SDHA: variants seen among roughly 807,000 people sequenced by gnomAD.
SDHA encodes succinate dehydrogenase complex flavoprotein subunit A, also known as succinate dehydrogenase [ubiquinone] flavoprotein subunit, mitochondrial.
In SDHA, 48 loss-of-function variants were observed where a neutral mutation model predicts 78.4. The ratio of observed to expected loss-of-function variants is 0.61; its 90% CI spans 0.49 to 0.78. The LOEUF is 0.78. Ranked by LOEUF, SDHA falls within the 30% of genes least tolerant of loss-of-function variation. SDHA has a pLI of 0.00. For synonymous variants in SDHA, 326 were observed against 353.9 expected (o/e 0.92, Z 0.88); for missense variants, 680 against 892.7 (o/e 0.76, Z 3.04).
intron 11 of SDHA, among the ~76,000 whole-genome samples, chr5:244,871 C>G (rs1373883999): frequency 2.6e-5 from 4 of 152,124 alleles, no homozygotes; most frequent in African/African-American, 9.7e-5. Flanking sequence ...TTATATAGCC[C>G]TCAAAGTCAA....
chr5:244,890 T>C (rs186627657), intron 11 of SDHA, among the ~76,000 whole-genome samples: 1 of 152,158 alleles, frequency 6.6e-6, no homozygotes, highest in African/African-American at 2.4e-5. Context: ...AACATATGCA[T>C]GAAATGGGGT....
At chr5:242,280 C>T (rs13356367) in intron 11 of SDHA, among the ~76,000 whole-genome samples, 36,695 of 152,160 alleles carry the variant, frequency 0.24, 6,875 homozygotes, top group African/African-American at 0.53. Context: ...ATGGCCATGA[C>T]GCCCACGCTA....
Position 251,366 on chromosome 5 carries a change from G to A in SDHA, c.1692G>A (p.Glu564=), listed in dbSNP as rs368388954. The change falls in exon 13 of 15, where the codon GAG becomes GAA. Residue 564 remains glutamate, a synonymous_variant. Transcript: ENST00000264932. ...RGMVWNTDLV[E]TLELQNLMLC... ...TGGTCTGGAACACGGACCTGGTGGA[G>A]ACCCTGGAGCTGCAGAACCTGATGC... is the stretch of plus-strand genomic sequence containing the variant. The A allele has an allele frequency of 3.1e-6, 5 of 1,613,722 alleles. No individual in the cohort carries two copies. The highest frequency in any genetic ancestry group is 3.4e-6 in the Non-Finnish European group (4 of 1,179,792).
At chr5:253,693 C>T (rs1736996196) in intron 13 of SDHA, among the ~76,000 whole-genome samples, 1 of 152,170 alleles carries the variant, frequency 6.6e-6, no homozygotes, top group Non-Finnish European at 1.5e-5. Context: ...CCTCGGCCTC[C>T]CAAAGTGCTA....
At chr5:255,366 A>G (rs60440876) in intron 14 of SDHA, among the ~76,000 whole-genome samples, 14,465 of 151,728 alleles carry the variant, frequency 0.095, 2,244 homozygotes, top group African/African-American at 0.33. Flanking sequence ...AGGACTTCTC[A>G]TGAAGGCCAT....
chr5:228,457 C>T, intron 6 of SDHA, 124 bp downstream of exon 6: 1 of 1,087,748 alleles, frequency 9.2e-7, no homozygotes, highest in Non-Finnish European at 1.3e-6. Flanking sequence ...CTTGATATAA[C>T]CATGTGAGGG....
intron 3 of SDHA, among the ~76,000 whole-genome samples, chr5:225,136 C>A (rs1374251843): frequency 6.6e-6 from 1 of 152,184 alleles, no homozygotes; most frequent in African/African-American, 2.4e-5. Flanking sequence ...TTACAGGTAG[C>A]CTTTCACTCA....
At chr5:262,646 C>G in the SDHA span, among the ~76,000 whole-genome samples, 3 of 152,224 alleles carry the variant, frequency 2.0e-5, no homozygotes, top group Non-Finnish European at 4.4e-5. Flanking sequence ...GTCCCTGGTG[C>G]CAACAAGGTT....
At chr5:247,704 G>A (rs1736547516) in intron 11 of SDHA, among the ~76,000 whole-genome samples, 1 of 152,198 alleles carries the variant, frequency 6.6e-6, no homozygotes, top group South Asian at 2.1e-4. Context: ...ACTTTGGGCT[G>A]CATGCCAATC....
intron 11 of SDHA, among the ~76,000 whole-genome samples, chr5:245,174 C>A (rs534360061): frequency 5.9e-5 from 9 of 152,238 alleles, no homozygotes; most frequent in Non-Finnish European, 1.2e-4. Flanking sequence ...CCTTGTAATT[C>A]TTTGGTTTTC....
chr5:245,778 C>T (rs1736404461), intron 11 of SDHA, among the ~76,000 whole-genome samples: 1 of 152,234 alleles, frequency 6.6e-6, no homozygotes, highest in Non-Finnish European at 1.5e-5. Flanking sequence ...TCAAAAATTA[C>T]TGGGGACATT....
At chr5:228,471 T>C (rs1735189668) in intron 6 of SDHA, 138 bp downstream of exon 6, 2 of 983,360 alleles carry the variant, frequency 2.0e-6, no homozygotes, top group Non-Finnish European at 3.1e-6. Flanking sequence ...GTGAGGGTGA[T>C]GGCCTTTCCC....
chr5:236,237 C>G, intron 9 of SDHA, 191 bp from the exon 10 acceptor site: 1 of 648,450 alleles, frequency 1.5e-6, no homozygotes, highest in Non-Finnish European at 2.9e-6. Context: ...GTTAGCCAGA[C>G]AGGTCTTGAA....
At chr5:223,382 A>T in intron 1 of SDHA, 100 bp from the exon 2 acceptor site, 1 of 889,592 alleles carries the variant, frequency 1.1e-6, no homozygotes, top group Non-Finnish European at 1.9e-6. Flanking sequence ...ACCTGGGTAC[A>T]TAAGAAGGTG....
the SDHA span, among the ~76,000 whole-genome samples, chr5:262,757 A>G: frequency 6.6e-6 from 1 of 152,196 alleles, no homozygotes; most frequent in African/African-American, 2.4e-5. Context: ...GAACAATGAC[A>G]ATTATTTCCA....
chr5:258,893 C>CT (rs1737381453), downstream of SDHA, among the ~76,000 whole-genome samples: 1 of 52,498 alleles, frequency 1.9e-5, no homozygotes, highest in Admixed American at 1.7e-4. Flanking sequence ...CTCCGCCCTC[C>CT]GCCAGAGCAT....
chr5:253,480 C>T (rs778049944), intron 13 of SDHA, among the ~76,000 whole-genome samples: 2 of 152,028 alleles, frequency 1.3e-5, no homozygotes, highest in Non-Finnish European at 2.9e-5. Flanking sequence ...TCACTGTCCC[C>T]CAGGCTGGAG....
At chr5:232,050 G>A (rs1361554508) in intron 7 of SDHA, among the ~76,000 whole-genome samples, 3 of 152,094 alleles carry the variant, frequency 2.0e-5, no homozygotes, top group African/African-American at 7.3e-5. Flanking sequence ...TGTTTGAGGT[G>A]ACTTGTCCTA....
chr5:262,190 G>GA, the SDHA span, among the ~76,000 whole-genome samples: 1 of 57,766 alleles, frequency 1.7e-5, no homozygotes, highest in Non-Finnish European at 4.6e-5. Context: ...TCCGCCTCCC[G>GA]CCAGAGCATT....
Sources: gnomAD v4.1 joint callset for allele counts (sites outside exome capture counted in the v4.1 genomes callset) on GRCh38, gnomAD v4.1.1 for gene constraint, MANE v1.5 for transcripts, NCBI Gene and HGNC (gene_info 2026-07-23, HGNC 2026-07-21) for gene names.